The following IQCB1 variants were observed in gnomAD, a reference collection of about 807,000 sequenced individuals.
IQCB1 encodes IQ motif containing B1.
In IQCB1, 56 loss-of-function variants were observed where a neutral mutation model predicts 84.4. The ratio of observed to expected loss-of-function variants is 0.66; its 90% confidence interval spans 0.54 to 0.83. The LOEUF (loss-of-function observed/expected upper bound fraction) is 0.83. Among genes scored for constraint, IQCB1 ranks in the 40% least tolerant of loss-of-function variants. The pLI is 0.00. For synonymous variants in IQCB1, 210 were observed against 234.8 expected, an observed-to-expected ratio of 0.89 and a Z score of 0.96; for missense variants, 629 against 682.1, an observed-to-expected ratio of 0.92 and a Z score of 0.87.
intron 2 of IQCB1, among the ~76,000 whole-genome samples, chr3:121,831,189 G>A (rs575760664): frequency 1.1e-3 from 44 of 39,202 alleles, no homozygotes; most frequent in Non-Finnish European, 1.1e-3. Context: ...ATTTTTTTTT[G>A]GAGACAGGAT....
intron 5 of IQCB1, among the ~76,000 whole-genome samples, chr3:121,823,531 T>C (rs190633713): frequency 1.3e-3 from 193 of 152,042 alleles, no homozygotes; most frequent in Non-Finnish European, 1.7e-3. Flanking sequence ...AAACAAAAGA[T>C]GCCAGAAGAC....
rs147065195 is a variant in IQCB1 at position 121,781,540 on chromosome 3, C to T, written c.1410+203G>A. Among the ~76,000 whole-genome samples, 788 of 152,190 alleles carry T rather than the reference C, an allele frequency of 5.2e-3. 8 individuals carry two copies. Among genetic ancestry groups the T allele is most frequent in the African/African-American group, 0.018 (735 of 41,532 alleles). On this transcript the variant is annotated intron_variant, in intron 13 of 14. Coordinates refer to ENST00000310864, the MANE Select transcript of IQCB1 (RefSeq NM_001023570.4). The stretch of plus-strand genomic sequence containing the variant: ...ATTTAAAGCAGAGTCTCCTTCACTA[C>T]TGACTATACCTCTATGGCTATGTAA...
In IQCB1 at chr3:121,807,384, C is replaced by A; in HGVS notation, c.547G>T (p.Ala183Ser). 1 of 1,583,518 alleles carries A rather than the reference C, an allele frequency of 6.3e-7. No individual in the cohort carries two copies. The highest frequency in any genetic ancestry group is 8.7e-7 in the Non-Finnish European group (1 of 1,152,960). ...LQADNVQIGS[A>S]VMMMLQNILQ... Reference sequence around the variant, plus strand: ...ATATTCTGTAGCATCATCATGACTGCAGATCCTATTTGGACATTGTCAGCT... The same window carrying A: ...ATATTCTGTAGCATCATCATGACTGAAGATCCTATTTGGACATTGTCAGCT... Residue 183 changes from alanine (A) to serine (S), a missense_variant, in exon 7 of 15, where the codon GCA becomes TCA. By Grantham distance (99) the Ala-to-Ser change is moderately conservative. Transcript: ENST00000310864.
chr3:121,834,944 G>A, intron 1 of IQCB1, 22 bp downstream of exon 1: 1 of 370,196 alleles, frequency 2.7e-6, no homozygotes, highest in Non-Finnish European at 5.0e-6. Flanking sequence ...TCCCTCCCCA[G>A]CCACCACCTC....
chr3:121,788,545 G>C (rs1022480372), intron 11 of IQCB1, 113 bp from the exon 12 acceptor site: 25 of 1,067,154 alleles, frequency 2.3e-5, no homozygotes, highest in Non-Finnish European at 3.4e-5. Context: ...TGTCAATATT[G>C]TTCACTAATT....
At chr3:121,828,437 C>T in intron 4 of IQCB1, 33 bp downstream of exon 4, 1 of 1,588,248 alleles carries the variant, frequency 6.3e-7, no homozygotes, top group Non-Finnish European at 8.6e-7. Context: ...TACTACATCC[C>T]TCAAGAACAG....
chr3:121,815,192 G>A (rs953968936), intron 5 of IQCB1, among the ~76,000 whole-genome samples: 2 of 151,920 alleles, frequency 1.3e-5, no homozygotes, highest in Non-Finnish European at 2.9e-5. Flanking sequence ...AGAAAAGGCC[G>A]CCAATAAAAT....
At chr3:121,830,123 T>C (rs1323812622) in intron 2 of IQCB1, among the ~76,000 whole-genome samples, 1 of 152,006 alleles carries the variant, frequency 6.6e-6, no homozygotes, top group Non-Finnish European at 1.5e-5. Flanking sequence ...CAGAATAGCT[T>C]GAACCTAGGA....
At chr3:121,820,105 A>G (rs1384743018) in intron 5 of IQCB1, among the ~76,000 whole-genome samples, 1 of 152,192 alleles carries the variant, frequency 6.6e-6, no homozygotes, top group East Asian at 1.9e-4. Flanking sequence ...TAAAATAATT[A>G]AAATTAAATA....
intron 5 of IQCB1, among the ~76,000 whole-genome samples, chr3:121,810,987 G>C (rs1242754891): frequency 6.6e-6 from 1 of 152,184 alleles, no homozygotes; most frequent in Non-Finnish European, 1.5e-5. Flanking sequence ...CTCTGCCAGG[G>C]GGATCTGGCA....
At chr3:121,804,067 T>G (rs187948735) in intron 7 of IQCB1, among the ~76,000 whole-genome samples, 4 of 152,090 alleles carry the variant, frequency 2.6e-5, no homozygotes, top group African/African-American at 9.7e-5. Flanking sequence ...GCTTATCAGC[T>G]GTAAATTCTT....
intron 5 of IQCB1, among the ~76,000 whole-genome samples, chr3:121,823,639 C>A (rs1321598416): frequency 2.0e-5 from 3 of 152,122 alleles, no homozygotes; most frequent in Non-Finnish European, 4.4e-5. Flanking sequence ...GTGAAGGCAT[C>A]ATGAAGACAT....
At chr3:121,812,208 C>T (rs539583876) in intron 5 of IQCB1, among the ~76,000 whole-genome samples, 1 of 152,294 alleles carries the variant, frequency 6.6e-6, no homozygotes, top group East Asian at 1.9e-4. Flanking sequence ...AACTAACAAA[C>T]AGAAAGCAAT....
chr3:121,797,805 T>C (rs1046653193), intron 8 of IQCB1, among the ~76,000 whole-genome samples: 1 of 152,018 alleles, frequency 6.6e-6, no homozygotes, highest in Non-Finnish European at 1.5e-5. Flanking sequence ...AAATAATACA[T>C]AGTAGTAGTG....
At chr3:121,818,342 G>A (rs886156386) in intron 5 of IQCB1, among the ~76,000 whole-genome samples, 2 of 152,112 alleles carry the variant, frequency 1.3e-5, no homozygotes, top group African/African-American at 4.8e-5. Context: ...ACTTATTTTT[G>A]GATTCCCACT....
intron 12 of IQCB1, among the ~76,000 whole-genome samples, 175 bp downstream of exon 12, chr3:121,788,109 T>G (rs180693201): frequency 2.4e-4 from 36 of 152,210 alleles, no homozygotes; most frequent in Non-Finnish European, 4.7e-4. Context: ...AAGGACTGAG[T>G]GTCTAAATCA....
rs1337179176 is a variant in IQCB1 at position 121,795,546 on chromosome 3, G to C, written c.897C>G (p.Cys299Trp). ...AACCCTTCCAATAGGCTTGAATCAAGCATGCTGCTTGATGTAGTTTCTGAA... is the reference window on the plus strand; with the variant it reads ...AACCCTTCCAATAGGCTTGAATCAACCATGCTGCTTGATGTAGTTTCTGAA... ...VEEQKLHQAA[C>W]LIQAYWKGFQ... The change falls in exon 10 of 15, where the codon TGC becomes TGG. Residue 299 changes from cysteine to tryptophan, a missense_variant. Cys to Trp is a radical substitution (Grantham distance 215). Coordinates refer to ENST00000310864, the MANE Select transcript of IQCB1 (RefSeq NM_001023570.4). 6.3e-7 allele frequency: 1 copy of C among 1,598,242 alleles called. No individual in the cohort carries two copies.
At chr3:121,815,737 A>G (rs1187127396) in intron 5 of IQCB1, among the ~76,000 whole-genome samples, 3 of 150,192 alleles carry the variant, frequency 2.0e-5, no homozygotes, top group South Asian at 4.2e-4. Context: ...ACTACAAAAC[A>G]CTGCTCAAGG....
intron 9 of IQCB1, 25 bp from the exon 10 acceptor site, chr3:121,795,591 G>T: frequency 1.5e-6 from 2 of 1,343,970 alleles, no homozygotes; most frequent in Non-Finnish European, 2.1e-6. Context: ...ATAATTTAGA[G>T]ATATCTCTAG....
Sources: allele counts gnomAD v4.1 joint callset (sites outside exome capture counted in the v4.1 genomes callset), GRCh38; gene constraint gnomAD v4.1.1; transcripts MANE v1.5; gene names NCBI Gene and HGNC (gene_info 2026-07-23, HGNC 2026-07-21).